Variants in TCFL5 observed in about 807,000 individuals in gnomAD.
The protein encoded by TCFL5 is transcription factor-like 5 protein.
A neutral mutation model predicts 44.3 loss-of-function variants in TCFL5; 9 were observed. The observed-to-expected ratio is 0.20, with a 90% CI of 0.12 to 0.35. The LOEUF (loss-of-function observed/expected upper bound fraction) is 0.35. Among genes scored for constraint, TCFL5 ranks in the 10% least tolerant of loss-of-function variants. TCFL5 has a pLI of 1.00. For missense variants in TCFL5, 603 were observed against 613.4 expected (o/e 0.98, Z 0.18); for synonymous variants, 319 against 271.6 (o/e 1.17, Z -1.72).
chr20:62,861,365 C>T lies in TCFL5; in HGVS notation c.306G>A (p.Ala102=). 1 of 1,066,122 alleles carries T rather than the reference C, an allele frequency of 9.4e-7. No homozygotes were observed. Among genetic ancestry groups the T allele is most frequent in the Admixed American group, 5.5e-5 (1 of 18,346 alleles). 66.0% of individuals were successfully genotyped at this position (1,066,122 alleles called of 1,614,324 possible). Residue 102 remains alanine, a synonymous_variant, in exon 1 of 6, where the codon GCG becomes GCA. Coordinates refer to ENST00000335351, the MANE Select transcript of TCFL5 (RefSeq NM_006602.4). This position sits in a 1 kb window ranked among gnomAD's most constrained non-coding sequence, Gnocchi z 4.0. ...GGCACAGCACGGGGTACACGGGCGC[C>T]GCGCCCCCCTGACCGCCCGCCGCGA... ...GGFAAGGQGG[A]APVYPVLCPS...
At chr20:62,858,076 GA>G (rs201153122) in intron 3 of TCFL5, among the ~76,000 whole-genome samples, 10 of 150,026 alleles carry the variant, frequency 6.7e-5, no homozygotes, top group East Asian at 3.9e-4. Context: ...CTAAGAACAA[GA>G]AAAAAAAACA....
intron 5 of TCFL5, chr20:62,844,832 G>T (rs2063721694): frequency 1.0e-6 from 1 of 968,474 alleles, no homozygotes; most frequent in Non-Finnish European, 1.2e-6. Context: ...CTGACCTCAG[G>T]TGATCCACCC....
At chr20:62,852,206 T>C in intron 5 of TCFL5, 1 of 985,452 alleles carries the variant, frequency 1.0e-6, no homozygotes, top group Non-Finnish European at 1.2e-6. Context: ...CCCCAACAGC[T>C]TGGACCAGGT....
intron 4 of TCFL5, among the ~76,000 whole-genome samples, chr20:62,856,479 C>G (rs1026114596): frequency 1.3e-5 from 2 of 151,768 alleles, no homozygotes; most frequent in East Asian, 3.9e-4. Flanking sequence ...CCGAGGCGGG[C>G]AGATCACGAG....
In TCFL5 at chr20:62,841,851, C is replaced by G; in HGVS notation, c.*124G>C. 1 of 1,331,420 alleles carries G rather than the reference C, an allele frequency of 7.5e-7. No individual in the cohort carries two copies. The highest frequency in any genetic ancestry group is 1.0e-6 in the Non-Finnish European group (1 of 987,152). 82.5% of individuals were successfully genotyped at this position (1,331,420 alleles called of 1,614,324 possible). On this transcript the variant is annotated 3_prime_UTR_variant, in exon 6 of 6. Coordinates refer to ENST00000335351, the MANE Select transcript of TCFL5 (RefSeq NM_006602.4). ...TGCTCTCAAAGTCCCTACTGGAGTC[C>G]CGTCAGCTTGAGTCACGCCCTTTTC...
intron 1 of TCFL5, 51 bp downstream of exon 1, chr20:62,860,973 G>C (rs1247112959): frequency 2.0e-6 from 2 of 987,610 alleles, no homozygotes; most frequent in Non-Finnish European, 1.2e-6. Context: ...CCCCGGCCCC[G>C]GCCTCGGCCT....
Position 62,848,471 on chromosome 20 carries a change from T to C in TCFL5, c.1380+5545A>G, listed in dbSNP as rs961682527. Among the ~76,000 whole-genome samples the C allele has an allele frequency of 4.6e-5, 7 of 152,204 alleles. 1 individual carries two copies. The highest frequency in any genetic ancestry group is 3.9e-4 in the Admixed American group (6 of 15,278). The stretch of plus-strand genomic sequence containing the variant: ...AAGTCAACACGGGGGCCGGGCACAG[T>C]GGCTCAAGCCTGTAATGCCAGCACT... On this transcript the variant is annotated intron_variant, in intron 5 of 5. Transcript: ENST00000335351.
intron 5 of TCFL5, chr20:62,845,489 T>C (rs1309426977): frequency 7.2e-7 from 1 of 1,398,528 alleles, no homozygotes; most frequent in Non-Finnish European, 9.3e-7. Flanking sequence ...TAATTTCCTA[T>C]ATTCTGACAC....
intron 5 of TCFL5, among the ~76,000 whole-genome samples, chr20:62,844,458 T>A (rs1002116085): frequency 2.0e-5 from 3 of 152,168 alleles, no homozygotes; most frequent in African/African-American, 4.8e-5. Context: ...TCTCTCAGGC[T>A]GGAATGCAGT....
In TCFL5 at chr20:62,861,143, C is replaced by G. The variant is rs2063996750; in HGVS notation, c.528G>C (p.Glu176Asp). ...CGCGCACGGCCGGCTTGGCCCGGGC[C>G]TCGGGCGCGCCGTCGGGTCCAGCCG... The part of the protein sequence containing the change: ...AAAAGPDGAP[E>D]ARAKPAVRVR... Residue 176 changes from glutamate (E) to aspartate (D), a missense_variant, in exon 1 of 6, where the codon GAG (glutamate) becomes GAC (aspartate). By Grantham distance (45) the Glu-to-Asp change is conservative. This residue lies in a region of TCFL5 where 540 missense variants were observed against 478.7 expected (regional missense o/e 1.13). Coordinates refer to ENST00000335351, the MANE Select transcript of TCFL5 (RefSeq NM_006602.4). This position sits in a 1 kb window ranked among gnomAD's most constrained non-coding sequence, Gnocchi z 4.0. 1.0e-6 allele frequency: 1 copy of G among 1,004,730 alleles called. No individual in the cohort carries two copies. Among genetic ancestry groups the G allele is most frequent in the Non-Finnish European group, 1.2e-6 (1 of 844,990 alleles). 62.2% of individuals were successfully genotyped at this position (1,004,730 alleles called of 1,614,324 possible). A position where few individuals can be genotyped will look rare whatever the true frequency, so the allele number is the denominator to read the frequency against.
intron 3 of TCFL5, 24 bp from the exon 4 acceptor site, chr20:62,857,662 G>T: frequency 1.2e-6 from 2 of 1,604,504 alleles, no homozygotes; most frequent in Non-Finnish European, 1.7e-6. Context: ...GAAAAAAGTG[G>T]TTTTTAATTT....
chr20:62,854,155 C>T lies in TCFL5; in HGVS notation c.1241G>A (p.Arg414His), dbSNP rs141195716. ...RHNRMERDRR[R>H]RIRICCDELN... ...CTCATCACAGCAAATGCGGATTCTG[C>T]GCCTATAGTCAAAACCCAAAGTCAT... Residue 414 changes from arginine to histidine, a missense_variant and splice_region_variant, in exon 5 of 6, where the codon CGC (arginine) becomes CAC (histidine). Coordinates refer to ENST00000335351, the MANE Select transcript of TCFL5 (RefSeq NM_006602.4). The T allele has an allele frequency of 3.7e-3, 6,039 of 1,613,742 alleles. 21 individuals carry two copies. The highest frequency in any genetic ancestry group is 4.3e-3 in the Non-Finnish European group (5,102 of 1,179,962).
At chr20:62,860,415 T>A in intron 1 of TCFL5, 107 bp from the exon 2 acceptor site, 1 of 952,540 alleles carries the variant, frequency 1.0e-6, no homozygotes, top group Non-Finnish European at 1.6e-6. Flanking sequence ...GCAACCCAAC[T>A]CTCATCCTGG....
intron 1 of TCFL5, 111 bp from the exon 2 acceptor site, chr20:62,860,419 A>C: frequency 7.2e-5 from 64 of 893,682 alleles, no homozygotes; most frequent in Non-Finnish European, 9.6e-5. Context: ...CCCAACTCTC[A>C]TCCTGGAAAT....
chr20:62,860,969 CCCCGGCCTCGGCCTCCA>C (rs2063991405), intron 1 of TCFL5, 38 bp downstream of exon 1: 1 of 987,152 alleles, frequency 1.0e-6, no homozygotes. Context: ...CCGGCCCCGG[CCCCGGCCTCGGCCTCCA>C]CCCGGGCCCC....
At position 62,861,344 on chromosome 20, in the gene TCFL5, C is replaced by T. The variant is rs1600869085; in HGVS notation, c.327G>A (p.Leu109=). The change falls in exon 1 of 6, where the codon CTG becomes CTA. Residue 109 remains leucine, a synonymous_variant. Coordinates refer to ENST00000335351, the MANE Select transcript of TCFL5 (RefSeq NM_006602.4). This position sits in a 1 kb window ranked among gnomAD's most constrained non-coding sequence, Gnocchi z 4.0. ...QGGAAPVYPV[L]CPSALAADAP... is the part of the protein sequence containing the mutation. ...CGTCGGCCGCCAGCGCGGACGGGCA[C>T]AGCACGGGGTACACGGGCGCCGCGC... The T allele has an allele frequency of 2.7e-6, 3 of 1,119,330 alleles. No individual in the cohort carries two copies. The highest frequency in any genetic ancestry group is 6.8e-5 in the East Asian group (1 of 14,646). The allele number at this position is 1,119,330 out of a possible 1,614,324, so 69.3% of individuals were successfully genotyped here. A position where few individuals can be genotyped will look rare whatever the true frequency, so the allele number is the denominator to read the frequency against.
Position 62,855,470 on chromosome 20 carries a change from T to C in TCFL5, c.1239-1313A>G, listed in dbSNP as rs115710635. Among the ~76,000 whole-genome samples the C allele has an allele frequency of 6.2e-3, 939 of 152,290 alleles. 8 individuals are homozygous for C. The highest frequency in any genetic ancestry group is 0.022 in the African/African-American group (894 of 41,554). ...CCCAGCAAGTTTGAATAGATCCCTT[T>C]AAAAGAAATTGCCATGCCAGGCGCA... On this transcript the variant is annotated intron_variant, in intron 4 of 5. Transcript: ENST00000335351.
intron 5 of TCFL5, chr20:62,852,229 C>T (rs1204848233): frequency 1.0e-6 from 1 of 985,466 alleles, no homozygotes; most frequent in East Asian, 1.1e-4. Context: ...AAAGTCAGGA[C>T]CCTGTGGATC....
At chr20:62,850,460 C>T (rs1053373765) in intron 5 of TCFL5, among the ~76,000 whole-genome samples, 2 of 152,056 alleles carry the variant, frequency 1.3e-5, no homozygotes, top group South Asian at 2.1e-4. Flanking sequence ...CAAACCCTGA[C>T]GCCTTTTTCC....
Sources: gnomAD v4.1 joint callset for allele counts (sites outside exome capture counted in the v4.1 genomes callset) on GRCh38, gnomAD v4.1.1 for gene constraint, gnomAD v4.1.1 regional missense constraint, Gnocchi (gnomAD v3.1) non-coding constraint, MANE v1.5 for transcripts, NCBI Gene and HGNC (gene_info 2026-07-23, HGNC 2026-07-21) for gene names.